SHF: variants seen among roughly 807,000 people sequenced by gnomAD.
SHF encodes Src homology 2 domain containing F.
A neutral mutation model predicts 42.4 loss-of-function variants in SHF; 30 were observed. The observed-to-expected ratio is 0.71, with a 90% CI of 0.53 to 0.96. SHF has a LOEUF of 0.96. SHF is among the 40% of genes least tolerant of loss of function. The probability of loss-of-function intolerance (pLI) is 0.00; values close to 1 mark genes in which losing one functional copy is unlikely to be tolerated. For synonymous variants in SHF, 264 were observed against 269.9 expected (o/e 0.98, Z 0.21); for missense variants, 598 against 634.0 (o/e 0.94, Z 0.61).
At chr15:45,172,102 G>A (rs748342252) in intron 5 of SHF, 45 bp downstream of exon 5, 37 of 1,613,762 alleles carry the variant, frequency 2.3e-5, no homozygotes, top group Non-Finnish European at 3.1e-5. Flanking sequence ...AGTGCCAGGA[G>A]GGGAGGAGTG....
intron 2 of SHF, among the ~76,000 whole-genome samples, chr15:45,194,719 C>T (rs1396420693): frequency 1.3e-5 from 2 of 152,118 alleles, no homozygotes; most frequent in South Asian, 4.1e-4. Context: ...ACAAGATGTT[C>T]CAGAATCACT....
intron 2 of SHF, among the ~76,000 whole-genome samples, chr15:45,194,499 C>T (rs1356509411): frequency 6.6e-6 from 1 of 151,986 alleles, no homozygotes; most frequent in Non-Finnish European, 1.5e-5. Context: ...TTACAGGTCC[C>T]TGCCACCACA....
rs139334814 is a variant in SHF, at chr15:45,198,751, G to A, written c.303+21C>T. ...AGTCATAGGCCTTCCCAGTTTGCGC[G>A]TCATTAAATGGCCTACTTACGGGGC... On this transcript the variant is annotated intron_variant, in intron 2 of 7. Coordinates refer to the SHF transcript ENST00000290894. 209 of 1,599,016 alleles carry A rather than the reference G, an allele frequency of 1.3e-4. No homozygotes were observed. In the African/African-American group the frequency reaches 2.3e-3, roughly 18 times the overall value.
At chr15:45,189,455 T>G (rs1355932762), upstream of SHF, among the ~76,000 whole-genome samples, 7 of 149,618 alleles carry the variant, frequency 4.7e-5, no homozygotes, top group African/African-American at 1.7e-4. Context: ...GTGGCACGAT[T>G]TCAGCTTACA....
chr15:45,201,031 T>C, exon 1 of SHF: 1 of 353,160 alleles, frequency 2.8e-6, no homozygotes, highest in Non-Finnish European at 5.6e-6. Flanking sequence ...CTCTTGCGGG[T>C]GAACGTGGGT....
chr15:45,175,326 GC>G lies in SHF; in HGVS notation c.739del (p.Ala247ProfsTer119). Reference sequence around the variant, plus strand: ...CAGGCGGGACTCCCGGGGCCAGGGGGCCCCCTCACCTTCCGCGGTGGCCCCA... The same window carrying G: ...CAGGCGGGACTCCCGGGGCCAGGGGGCCCCTCACCTTCCGCGGTGGCCCCA... ...EDGATAEGEG[A>X]PWPRESRLPE... On this transcript the variant is annotated frameshift_variant, in exon 3 of 7. Transcript: ENST00000690270. LOFTEE classifies it high-confidence loss of function. 6.2e-7 allele frequency: 1 copy of G among 1,605,404 alleles called. No homozygotes were observed. The highest frequency in any genetic ancestry group is 8.5e-7 in the Non-Finnish European group (1 of 1,175,828).
Position 45,187,750 on chromosome 15 carries a change from TGCTGCCCCCTCCGCC to T in SHF, c.187_201del (p.Gly63_Ser67del). On this transcript the variant is annotated inframe_deletion, in exon 1 of 7. Transcript: ENST00000690270. The stretch of plus-strand genomic sequence containing the variant: ...TAGTCGGGCTCGGGGGGCGCCGGCT[TGCTGCCCCCTCCGCC>T]GCCGCCCCCCCCGCGGAAGCCCAGG... 3 of 957,946 alleles carry T rather than the reference TGCTGCCCCCTCCGCC, an allele frequency of 3.1e-6. No homozygotes were observed. Among genetic ancestry groups the T allele is most frequent in the Non-Finnish European group, 4.0e-6 (3 of 745,666 alleles). 59.3% of individuals were successfully genotyped at this position (957,946 alleles called of 1,614,324 possible). A position where few individuals can be genotyped will look rare whatever the true frequency, so the allele number is the denominator to read the frequency against.
At chr15:45,170,494 G>A in intron 6 of SHF, 1 of 1,241,524 alleles carries the variant, frequency 8.1e-7, no homozygotes, top group Non-Finnish European at 1.0e-6. Flanking sequence ...TGGAAAAAAA[G>A]CGATAATCTA....
chr15:45,199,564 C>A (rs1289921999), intron 1 of SHF, among the ~76,000 whole-genome samples: 2 of 152,140 alleles, frequency 1.3e-5, no homozygotes, highest in East Asian at 1.9e-4. Flanking sequence ...CACCCCTAGA[C>A]GGCAGGAACT....
intron 1 of SHF, chr15:45,200,609 C>G: frequency 2.5e-6 from 1 of 405,670 alleles, no homozygotes; most frequent in East Asian, 7.1e-5. Context: ...TCGCAGCCAT[C>G]TGAGGGCACG....
At chr15:45,196,104 T>TG (rs1392462666) in intron 2 of SHF, among the ~76,000 whole-genome samples, 1 of 150,920 alleles carries the variant, frequency 6.6e-6, no homozygotes, top group Non-Finnish European at 1.5e-5. Flanking sequence ...CCTGTTTTTT[T>TG]TTTTTTTTTT....
intron 2 of SHF, among the ~76,000 whole-genome samples, chr15:45,175,633 C>T (rs1897759501): frequency 6.6e-6 from 1 of 152,138 alleles, no homozygotes; most frequent in Non-Finnish European, 1.5e-5. Context: ...AAGGCAAGGG[C>T]AGGTGGGCAC....
chr15:45,183,185 G>A (rs1356941733), intron 1 of SHF, among the ~76,000 whole-genome samples: 2 of 152,208 alleles, frequency 1.3e-5, no homozygotes, highest in East Asian at 3.8e-4. Flanking sequence ...TGAGGGTCCA[G>A]GCATTGGGCT....
chr15:45,198,628 G>C (rs1354810757), intron 2 of SHF: 1 of 1,028,020 alleles, frequency 9.7e-7, no homozygotes, highest in Non-Finnish European at 1.4e-6. Context: ...GATTCGAACC[G>C]AGGTTGCTGC....
At chr15:45,175,121 G>GGCCT in intron 3 of SHF, 98 bp downstream of exon 3, 1 of 1,315,124 alleles carries the variant, frequency 7.6e-7, no homozygotes, top group South Asian at 1.3e-5. Context: ...CCTGATCCTG[G>GGCCT]GCCTCTCTGG....
At chr15:45,189,218 A>G (rs1898630454), upstream of SHF, among the ~76,000 whole-genome samples, 2 of 150,696 alleles carry the variant, frequency 1.3e-5, no homozygotes, top group African/African-American at 4.9e-5. Context: ...AGAAAAAGAA[A>G]AAAGAAAAGG....
chr15:45,175,580 C>T (rs1319062145), intron 2 of SHF, among the ~76,000 whole-genome samples, 155 bp from the exon 3 acceptor site: 1 of 152,216 alleles, frequency 6.6e-6, no homozygotes, highest in Non-Finnish European at 1.5e-5. Context: ...GGGTTCCTCA[C>T]CCTCAAAACA....
At chr15:45,188,686 C>T (rs1448924398), upstream of SHF, among the ~76,000 whole-genome samples, 2 of 152,232 alleles carry the variant, frequency 1.3e-5, no homozygotes, top group African/African-American at 4.8e-5. Flanking sequence ...CTGCTCCAAA[C>T]GGGCCCACAT....
chr15:45,175,325 G>T lies in SHF; in HGVS notation c.741C>A (p.Ala247=). Residue 247 remains alanine (A), a synonymous_variant, in exon 3 of 7, where the codon GCC becomes GCA. Transcript: ENST00000690270. ...GCAGGCGGGACTCCCGGGGCCAGGG[G>T]GCCCCCTCACCTTCCGCGGTGGCCC... is the stretch of plus-strand genomic sequence containing the variant. ...EDGATAEGEG[A]PWPRESRLPE... is the part of the protein sequence containing the mutation. The T allele has an allele frequency of 6.2e-7, 1 of 1,605,880 alleles. No homozygotes were observed. Among genetic ancestry groups the T allele is most frequent in the South Asian group, 1.1e-5 (1 of 89,486 alleles).
Sources: gnomAD v4.1 joint callset for allele counts (sites outside exome capture counted in the v4.1 genomes callset) on GRCh38, gnomAD v4.1.1 for gene constraint, MANE v1.5 for transcripts, NCBI Gene and HGNC (gene_info 2026-07-23, HGNC 2026-07-21) for gene names.